The following ECT2L variants were observed in gnomAD, a reference collection of about 807,000 sequenced individuals.
ECT2L encodes epithelial cell transforming 2 like.
Under a neutral mutation model 122.8 loss-of-function variants are expected in ECT2L, and 126 were observed. That is an observed-to-expected ratio of 1.03 (90% confidence interval 0.89 to 1.19). ECT2L has a LOEUF of 1.19. Among genes scored for constraint, ECT2L ranks in the 50% most tolerant of loss-of-function variants. The pLI is 0.00. For synonymous variants in ECT2L, 385 were observed against 381.8 expected, an observed-to-expected ratio of 1.01 and a Z score of -0.10; for missense variants, 1,012 against 1,064.1, an observed-to-expected ratio of 0.95 and a Z score of 0.68.
chr6:138,838,618 C>A (rs1169318548), intron 5 of ECT2L, 104 bp downstream of exon 5: 4 of 1,142,868 alleles, frequency 3.5e-6, no homozygotes, highest in South Asian at 3.9e-5. Context: ...GCTGAGGGTA[C>A]CTGATCCATC....
chr6:138,851,876 TAAC>T (rs751090365), intron 9 of ECT2L, among the ~76,000 whole-genome samples: 31 of 152,358 alleles, frequency 2.0e-4, no homozygotes, highest in Admixed American at 5.2e-4. Flanking sequence ...TGGTGTACAC[TAAC>T]AACATTTATT....
At chr6:138,822,660 C>T (rs535510486) in intron 4 of ECT2L, 34 of 1,204,666 alleles carry the variant, frequency 2.8e-5, no homozygotes, top group Middle Eastern at 4.0e-4. Flanking sequence ...CCAAGATGGC[C>T]GAATAGGAAC....
In ECT2L at chr6:138,882,731, C is replaced by T. The variant is rs1225174327; in HGVS notation, c.1888C>T (p.Leu630=). The T allele has an allele frequency of 6.2e-6, 10 of 1,613,810 alleles. No individual in the cohort carries two copies. The highest frequency in any genetic ancestry group is 8.5e-6 in the Non-Finnish European group (10 of 1,179,948). ...LQILSLNRQF[L]DNLRDRLQEW... The stretch of plus-strand genomic sequence containing the variant: ...GCTCTTCTCATACCACAGGCAGTTT[C>T]TAGATAACCTGAGAGACAGACTGCA... Residue 630 remains leucine (L), a synonymous_variant, in exon 16 of 22, where the codon CTA becomes TTA. Transcript: ENST00000541398.
In ECT2L at chr6:138,902,562, G is replaced by C. The variant is rs1265840771; in HGVS notation, c.2650G>C (p.Glu884Gln). 8 of 1,613,724 alleles carry C rather than the reference G, an allele frequency of 5.0e-6. No individual in the cohort carries two copies. The highest frequency in any genetic ancestry group is 2.7e-5 in the African/African-American group (2 of 74,912). Reference sequence around the variant, plus strand: ...TAAATGGATTTGTGCTACAGAAATAGAGGATGATAAGTTCCTATGGCTGTC... The same window carrying C: ...TAAATGGATTTGTGCTACAGAAATACAGGATGATAAGTTCCTATGGCTGTC... ...KYKWICATEIEDDKFLWLSVL... is the reference protein window; with the variant it reads ...KYKWICATEIQDDKFLWLSVL... Residue 884 changes from glutamate (E) to glutamine (Q), a missense_variant, in exon 22 of 22, where the codon GAG becomes CAG. Coordinates refer to ENST00000541398, the MANE Select transcript of ECT2L (RefSeq NM_001077706.3).
chr6:138,893,625 T>C (rs1223115223), intron 20 of ECT2L, among the ~76,000 whole-genome samples: 2 of 152,132 alleles, frequency 1.3e-5, no homozygotes, highest in Non-Finnish European at 2.9e-5. Flanking sequence ...TTTTACCATG[T>C]TGGCCAGGCT....
chr6:138,884,792 C>T (rs1778756932), intron 16 of ECT2L, among the ~76,000 whole-genome samples: 1 of 152,004 alleles, frequency 6.6e-6, no homozygotes, highest in Non-Finnish European at 1.5e-5. Context: ...TGTGTGACAG[C>T]CACTTTATGG....
rs760929797 is a variant in ECT2L at position 138,846,586 on chromosome 6, A to G, written c.812A>G (p.Asn271Ser). ...SHSYPLLSKK[N>S]WHGVHKNDDR... ...TCCTACCCTTTATTATCAAAGAAAAATTGGCATGGAGTTCATAAAAATGAT... is the reference window on the plus strand; with the variant it reads ...TCCTACCCTTTATTATCAAAGAAAAGTTGGCATGGAGTTCATAAAAATGAT... The change falls in exon 8 of 22, where the codon AAT (asparagine) becomes AGT (serine). Residue 271 changes from asparagine (N) to serine (S), a missense_variant. Coordinates refer to ENST00000541398, the MANE Select transcript of ECT2L (RefSeq NM_001077706.3). 1.3e-5 allele frequency: 21 copies of G among 1,609,586 alleles called. No homozygotes were observed. In the East Asian group the frequency reaches 4.0e-4, roughly 31 times the overall value.
chr6:138,858,986 C>T (rs1247616908), intron 10 of ECT2L, among the ~76,000 whole-genome samples: 1 of 152,024 alleles, frequency 6.6e-6, no homozygotes, highest in Non-Finnish European at 1.5e-5. Context: ...AGGTGTGCAC[C>T]ATCCCGCCTG....
Position 138,902,976 on chromosome 6 carries a change from TTTC to T in ECT2L, c.*352_*354del, listed in dbSNP as rs1779455575. The T allele has an allele frequency of 4.2e-6, 1 of 238,730 alleles. No individual in the cohort carries two copies. The highest frequency in any genetic ancestry group is 5.9e-5 in the Admixed American group (1 of 17,036). 14.8% of individuals were successfully genotyped at this position (238,730 alleles called of 1,614,324 possible). On this transcript the variant is annotated 3_prime_UTR_variant, in exon 22 of 22. Coordinates refer to ENST00000541398, the MANE Select transcript of ECT2L (RefSeq NM_001077706.3). The stretch of plus-strand genomic sequence containing the variant: ...TAATGAAAAAAGCAGAATGAAAGTG[TTTC>T]TTAAGTGATCAGTCTAGAAAGATAT...
intron 1 of ECT2L, among the ~76,000 whole-genome samples, chr6:138,796,962 T>A (rs1775366244): frequency 6.6e-6 from 1 of 152,186 alleles, no homozygotes; most frequent in Non-Finnish European, 1.5e-5. Flanking sequence ...GTTAAGGACT[T>A]GGAAGTTTTA....
At chr6:138,799,030 A>G (rs576731390) in intron 1 of ECT2L, among the ~76,000 whole-genome samples, 3 of 152,286 alleles carry the variant, frequency 2.0e-5, no homozygotes, top group Admixed American at 2.0e-4. Context: ...TGTTCTGACC[A>G]CAAGCCACTC....
At chr6:138,835,732 C>T (rs1411397410) in intron 4 of ECT2L, among the ~76,000 whole-genome samples, 1 of 152,066 alleles carries the variant, frequency 6.6e-6, no homozygotes. Context: ...TCCAGCATTA[C>T]CAGGAAATCA....
chr6:138,829,130 T>A (rs542559561), intron 4 of ECT2L, among the ~76,000 whole-genome samples: 3 of 152,128 alleles, frequency 2.0e-5, no homozygotes, highest in Non-Finnish European at 4.4e-5. Flanking sequence ...AGTACTGGGA[T>A]TACAGGGCGT....
At chr6:138,811,174 A>G (rs1775878301) in intron 1 of ECT2L, among the ~76,000 whole-genome samples, 1 of 152,124 alleles carries the variant, frequency 6.6e-6, no homozygotes, top group Admixed American at 6.5e-5. Context: ...TCATTTGCTC[A>G]CTGTGATGGA....
intron 9 of ECT2L, 41 bp from the exon 10 acceptor site, chr6:138,853,983 TTA>T: frequency 3.1e-6 from 5 of 1,596,620 alleles, no homozygotes; most frequent in Non-Finnish European, 4.3e-6. Context: ...CTGTTCAGTA[TTA>T]TGTTACAAGC....
chr6:138,804,087 A>G (rs1775634628), intron 1 of ECT2L, among the ~76,000 whole-genome samples: 1 of 152,242 alleles, frequency 6.6e-6, no homozygotes, highest in African/African-American at 2.4e-5. Context: ...AGTAATGGAC[A>G]TAATCTCTGG....
chr6:138,841,866 CTT>C lies in ECT2L; in HGVS notation c.343-1112_343-1111del, dbSNP rs1256965544. 3.0e-4 allele frequency among the ~76,000 whole-genome samples: 46 copies of C among 152,214 alleles called. 2 individuals are homozygous for C. Among genetic ancestry groups the C allele is most frequent in the African/African-American group, 1.1e-3 (44 of 41,552 alleles). ...CAGTTCAAACCACATGAAATTTTCT[CTT>C]GTCGTATGTCAAAATGGCTGAATAT... On this transcript the variant is annotated intron_variant, in intron 5 of 21. Coordinates refer to ENST00000541398, the MANE Select transcript of ECT2L (RefSeq NM_001077706.3).
chr6:138,889,868 T>C (rs1370629920), intron 20 of ECT2L, among the ~76,000 whole-genome samples: 1 of 152,218 alleles, frequency 6.6e-6, no homozygotes, highest in Non-Finnish European at 1.5e-5. Context: ...AACTTTTCTG[T>C]AAAGGTTCAC....
In ECT2L at chr6:138,888,875, T is replaced by C. The variant is rs2128410627; in HGVS notation, c.2326-68T>C. The C allele has an allele frequency of 5.1e-6, 3 of 590,562 alleles. 1 individual carries two copies. The highest frequency in any genetic ancestry group is 9.4e-5 in the South Asian group (2 of 21,364). The allele number at this position is 590,562 out of a possible 1,614,324, so 36.6% of individuals were successfully genotyped here. ...CATTTGCATATTCTGAGATATAAAA[T>C]GGTTTGCAGTAGTAATTTTATTTAA... On this transcript the variant is annotated intron_variant, in intron 19 of 21. Coordinates refer to ENST00000541398, the MANE Select transcript of ECT2L (RefSeq NM_001077706.3).
Sources: gnomAD v4.1 joint callset for allele counts (sites outside exome capture counted in the v4.1 genomes callset) on GRCh38, gnomAD v4.1.1 for gene constraint, MANE v1.5 for transcripts, NCBI Gene and HGNC (gene_info 2026-07-23, HGNC 2026-07-21) for gene names.